CAMKK1: variants seen among roughly 807,000 people sequenced by gnomAD.
The protein encoded by CAMKK1 is calcium/calmodulin dependent protein kinase kinase 1, also known as calcium/calmodulin-dependent protein kinase kinase 1.
CAMKK1 carries 20 observed loss-of-function variants against 63.5 expected under a neutral mutation model. That is an observed-to-expected ratio of 0.32 (90% CI 0.22 to 0.46). The LOEUF is 0.46. Ranked by LOEUF, CAMKK1 falls within the 20% of genes least tolerant of loss-of-function variation. The pLI is 1.00. For missense variants in CAMKK1, 588 were observed against 658.1 expected, an observed-to-expected ratio of 0.89 and a Z score of 1.17; for synonymous variants, 253 against 269.0, an observed-to-expected ratio of 0.94 and a Z score of 0.58.
Position 3,890,548 on chromosome 17 carries a change from C to G in CAMKK1, c.-44+2391G>C, listed in dbSNP as rs2055859393. ...ATTCAACTCAGCATCTTCCCCAAAC[C>G]TGCTCGTCCTCCTCTGTCTCCATTG... is the stretch of plus-strand genomic sequence containing the variant. On this transcript the variant is annotated intron_variant, in intron 1 of 15. Transcript: ENST00000348335. The surrounding 1 kb of genome is among the most constrained non-coding windows in gnomAD (Gnocchi z 6.5). The G allele has an allele frequency of 2.8e-6, 2 of 724,482 alleles. No homozygotes were observed. Among genetic ancestry groups the G allele is most frequent in the Admixed American group, 3.7e-5 (2 of 54,640 alleles). The allele number at this position is 724,482 out of a possible 1,614,324, so 44.9% of individuals were successfully genotyped here.
chr17:3,883,373 C>T lies in CAMKK1; in HGVS notation c.514+56G>A. On this transcript the variant is annotated intron_variant, in intron 5 of 15. Coordinates refer to ENST00000348335, the MANE Select transcript of CAMKK1 (RefSeq NM_032294.3). The surrounding 1 kb of genome is among the most constrained non-coding windows in gnomAD (Gnocchi z 4.7). Reference sequence around the variant, plus strand: ...GCCAAAACTAGCTCAGGATCGAGGTCTCCTCCTCTGCCTCCAGGCTAGGAG... The same window carrying T: ...GCCAAAACTAGCTCAGGATCGAGGTTTCCTCCTCTGCCTCCAGGCTAGGAG... 6.4e-7 allele frequency: 1 copy of T among 1,559,862 alleles called. No individual in the cohort carries two copies. Among genetic ancestry groups the T allele is most frequent in the Non-Finnish European group, 8.8e-7 (1 of 1,130,880 alleles).
At chr17:3,873,506 A>G (rs1567621512) in intron 10 of CAMKK1, 44 bp from the exon 11 acceptor site, 1 of 1,593,872 alleles carries the variant, frequency 6.3e-7, no homozygotes, top group Admixed American at 1.7e-5. Flanking sequence ...AGGCACAGCC[A>G]CCTCTGCCCA....
At position 3,869,471 on chromosome 17, in the gene CAMKK1, AC is replaced by A; in HGVS notation, c.1341+15del. The A allele has an allele frequency of 6.2e-7, 1 of 1,613,938 alleles. No individual in the cohort carries two copies. The highest frequency in any genetic ancestry group is 1.1e-5 in the South Asian group (1 of 91,074). The stretch of plus-strand genomic sequence containing the variant: ...GGCCCTCCAGGACAAGGGAGCATCT[AC>A]CCCGGCTCTCTTACCACCGTGGTCC... On this transcript the variant is annotated intron_variant, in intron 14 of 15. Coordinates refer to ENST00000348335, the MANE Select transcript of CAMKK1 (RefSeq NM_032294.3).
intron 15 of CAMKK1, chr17:3,865,678 T>G: frequency 1.4e-6 from 2 of 1,386,080 alleles, no homozygotes; most frequent in Non-Finnish European, 9.4e-7. Flanking sequence ...TGGAAGTGTG[T>G]GTGTGAGGGA....
At position 3,883,324 on chromosome 17, in the gene CAMKK1, GTC is replaced by G; in HGVS notation, c.514+103_514+104del. On this transcript the variant is annotated intron_variant, in intron 5 of 15. Transcript: ENST00000348335. This position sits in a 1 kb window ranked among gnomAD's most constrained non-coding sequence, Gnocchi z 4.7. ...CTGTCCCCAGGCCTCTGCTCACGCTGTCTCCCTCTCTACCCCATTCCTAGCCA... is the reference window on the plus strand; with the variant it reads ...CTGTCCCCAGGCCTCTGCTCACGCTGTCCCTCTCTACCCCATTCCTAGCCA... 6.8e-7 allele frequency: 1 copy of G among 1,473,286 alleles called. No homozygotes were observed. Among genetic ancestry groups the G allele is most frequent in the South Asian group, 1.1e-5 (1 of 87,586 alleles). The allele number at this position is 1,473,286 out of a possible 1,614,324, so 91.3% of individuals were successfully genotyped here.
intron 14 of CAMKK1, among the ~76,000 whole-genome samples, chr17:3,868,546 G>A (rs1337812349): frequency 7.9e-5 from 12 of 152,306 alleles, no homozygotes; most frequent in Admixed American, 6.5e-4. Flanking sequence ...CCTTGTCCTC[G>A]GCACCTTGTG....
chr17:3,870,357 C>G (rs1297005683), intron 12 of CAMKK1, among the ~76,000 whole-genome samples: 1 of 151,604 alleles, frequency 6.6e-6, no homozygotes, highest in Non-Finnish European at 1.5e-5. Flanking sequence ...TCTCTCTGCC[C>G]AAACCCCAGG....
chr17:3,872,703 T>G, intron 11 of CAMKK1, 76 bp from the exon 12 acceptor site: 24 of 1,256,590 alleles, frequency 1.9e-5, no homozygotes, highest in Non-Finnish European at 2.7e-5. Context: ...CCCCCTCCCT[T>G]GGTGGGGGCA....
Position 3,882,421 on chromosome 17 carries a change from A to G in CAMKK1, c.685+107T>C. 6.3e-7 allele frequency: 1 copy of G among 1,588,602 alleles called. No individual in the cohort carries two copies. The highest frequency in any genetic ancestry group is 8.6e-7 in the Non-Finnish European group (1 of 1,157,018). ...GAACGTGTGTTTTTCTTCTGTCCCC[A>G]GGAGGTCAGTGCATTTACACCGCCC... On this transcript the variant is annotated intron_variant, in intron 7 of 15. Transcript: ENST00000348335. This position sits in a 1 kb window ranked among gnomAD's most constrained non-coding sequence, Gnocchi z 4.3.
Position 3,862,508 on chromosome 17 carries a change from T to C in CAMKK1, c.1446-225A>G, listed in dbSNP as rs931317688. On this transcript the variant is annotated intron_variant, in intron 15 of 15. Coordinates refer to ENST00000348335, the MANE Select transcript of CAMKK1 (RefSeq NM_032294.3). This position sits in a 1 kb window ranked among gnomAD's most constrained non-coding sequence, Gnocchi z 4.1. ...CCCGCAACGCCTCCGTGGCCCCCCA[T>C]TGACCAGAGATGAAGTCTAAACCTC... is the stretch of plus-strand genomic sequence containing the variant. Among the ~76,000 whole-genome samples, 2 of 152,150 alleles carry C rather than the reference T, an allele frequency of 1.3e-5. No individual in the cohort carries two copies. The highest frequency in any genetic ancestry group is 2.4e-5 in the African/African-American group (1 of 41,436).
At position 3,892,650 on chromosome 17, in the gene CAMKK1, C is replaced by G. The variant is rs1305953558; in HGVS notation, c.-44+289G>C. On this transcript the variant is annotated intron_variant, in intron 1 of 15. Transcript: ENST00000348335. This position sits in a 1 kb window ranked among gnomAD's most constrained non-coding sequence, Gnocchi z 7.5. ...GAGCCGGGCGCGGGGGACAGTGCAC[C>G]GGGGATGGATGCGGTCCGCAGACAG... Among the ~76,000 whole-genome samples, 5 of 152,180 alleles carry G rather than the reference C, an allele frequency of 3.3e-5. No individual in the cohort carries two copies. The East Asian group carries it at 7.7e-4, about 23-fold the overall frequency.
At position 3,892,845 on chromosome 17, in the gene CAMKK1, G is replaced by A. The variant is rs1009418161; in HGVS notation, c.-44+94C>T. The A allele has an allele frequency of 1.6e-5, 1 of 61,458 alleles. No individual in the cohort carries two copies. Among genetic ancestry groups the A allele is most frequent in the Non-Finnish European group, 3.5e-5 (1 of 28,938 alleles). The allele number at this position is 61,458 out of a possible 1,614,324, so 3.8% of individuals were successfully genotyped here. On this transcript the variant is annotated intron_variant, in intron 1 of 15. Coordinates refer to ENST00000348335, the MANE Select transcript of CAMKK1 (RefSeq NM_032294.3). The surrounding 1 kb of genome is among the most constrained non-coding windows in gnomAD (Gnocchi z 7.5). ...GCTCCCTCGTAGACGCGGCCTGGCAGACCCCCCCCGCCTCTCCCTTGCAGG... is the reference window on the plus strand; with the variant it reads ...GCTCCCTCGTAGACGCGGCCTGGCAAACCCCCCCCGCCTCTCCCTTGCAGG...
Position 3,880,382 on chromosome 17 carries a change from G to A in CAMKK1, c.760C>T (p.Leu254Phe). Reference sequence around the variant, plus strand: ...CCCAGGATGACGTCCCGCAGGTAGAGGCGAGCTTGCTCCTCCGAGAAGGGC... The same window carrying A: ...CCCAGGATGACGTCCCGCAGGTAGAAGCGAGCTTGCTCCTCCGAGAAGGGC... ...DKPFSEEQARLYLRDVILGLE... is the reference protein window; with the variant it reads ...DKPFSEEQARFYLRDVILGLE... The change falls in exon 9 of 16, where the codon CTC becomes TTC. Residue 254 changes from leucine to phenylalanine, a missense_variant. By Grantham distance (22) the Leu-to-Phe change is conservative. Around this residue, in one of 3 missense-constraint regions of CAMKK1, gnomAD observed 357 missense variants for 407.4 expected, o/e 0.88. Transcript: ENST00000348335. 6.2e-7 allele frequency: 1 copy of A among 1,614,034 alleles called. No individual in the cohort carries two copies. The highest frequency in any genetic ancestry group is 8.5e-7 in the Non-Finnish European group (1 of 1,180,010).
rs371063610 is a variant in CAMKK1 at position 3,890,123 on chromosome 17, C to T, written c.-44+2816G>A. 4.2e-3 allele frequency among the ~76,000 whole-genome samples: 633 copies of T among 152,328 alleles called. 5 individuals carry two copies. Among genetic ancestry groups the T allele is most frequent in the African/African-American group, 0.014 (592 of 41,570 alleles). ...GAAGGTGGTCCTCCCATGCCTGGGC[C>T]GCCTCACTGGAGCTGTGTTTATGAT... On this transcript the variant is annotated intron_variant, in intron 1 of 15. Transcript: ENST00000348335. This position sits in a 1 kb window ranked among gnomAD's most constrained non-coding sequence, Gnocchi z 6.5.
At chr17:3,869,698 T>C in intron 13 of CAMKK1, 83 bp from the exon 14 acceptor site, 2 of 1,607,564 alleles carry the variant, frequency 1.2e-6, no homozygotes, top group Non-Finnish European at 8.5e-7. Context: ...GTCCACAGAC[T>C]CAAACCCAAC....
intron 14 of CAMKK1, among the ~76,000 whole-genome samples, chr17:3,868,303 C>G (rs1045119449): frequency 1.7e-4 from 26 of 149,838 alleles, no homozygotes; most frequent in Non-Finnish European, 3.4e-4. Context: ...GGGGGAGATG[C>G]AGGCACCGTC....
At chr17:3,873,369 C>T (rs762610102) in intron 11 of CAMKK1, 40 bp downstream of exon 11, 4 of 1,609,164 alleles carry the variant, frequency 2.5e-6, no homozygotes, top group Non-Finnish European at 3.4e-6. Context: ...GCCCGCCTCA[C>T]TGGACCCGCC....
At chr17:3,876,150 G>T in intron 10 of CAMKK1, 73 bp downstream of exon 10, 1 of 1,425,622 alleles carries the variant, frequency 7.0e-7, no homozygotes, top group East Asian at 2.4e-5. Context: ...CCTCAGGTTA[G>T]AAACTGGGCC....
rs144687124 is a variant in CAMKK1, at chr17:3,882,549, C to G, written c.664G>C (p.Ala222Pro). Residue 222 changes from alanine to proline, a missense_variant, in exon 7 of 16, where the codon GCT (alanine) becomes CCT (proline). Around this residue, in one of 3 missense-constraint regions of CAMKK1, gnomAD observed 357 missense variants for 407.4 expected, o/e 0.88. Coordinates refer to ENST00000348335, the MANE Select transcript of CAMKK1 (RefSeq NM_032294.3). The surrounding 1 kb of genome is among the most constrained non-coding windows in gnomAD (Gnocchi z 4.3). ...VKLIEVLDDP[A>P]EDNLYLVFDL... ...TCACCCAAATAGAGGTTGTCCTCAG[C>G]TGGGTCATCCAGGACCTGGTCAGAG... 3 of 1,594,500 alleles carry G rather than the reference C, an allele frequency of 1.9e-6. No homozygotes were observed. The highest frequency in any genetic ancestry group is 2.6e-6 in the Non-Finnish European group (3 of 1,170,040).
Sources: allele counts gnomAD v4.1 joint callset (sites outside exome capture counted in the v4.1 genomes callset), GRCh38; gene constraint gnomAD v4.1.1; regional missense constraint gnomAD v4.1.1; non-coding constraint Gnocchi (gnomAD v3.1); transcripts MANE v1.5; gene names NCBI Gene and HGNC (gene_info 2026-07-23, HGNC 2026-07-21).